The following MS4A15 variants were observed in gnomAD, a reference collection of about 807,000 sequenced individuals.
MS4A15 encodes the protein membrane spanning 4-domains A15.
Under a neutral mutation model 20.6 loss-of-function variants are expected in MS4A15, and 22 were observed. The ratio of observed to expected loss-of-function variants is 1.07; its 90% confidence interval spans 0.76 to 1.52. The LOEUF is 1.52. Ranked by LOEUF, MS4A15 falls within the 40% of genes most tolerant of loss-of-function variation. The probability of loss-of-function intolerance (pLI) is 0.00; values close to 1 mark genes in which losing one functional copy is unlikely to be tolerated. For missense variants in MS4A15, 312 were observed against 323.0 expected, an observed-to-expected ratio of 0.97 and a Z score of 0.26; for synonymous variants, 129 against 129.3, an observed-to-expected ratio of 1.00 and a Z score of 0.02.
intron 1 of MS4A15, 30 bp downstream of exon 1, chr11:60,757,088 G>T (rs921531000): frequency 6.6e-6 from 1 of 152,240 alleles, no homozygotes; most frequent in African/African-American, 2.4e-5. Flanking sequence ...CCCGTCAGGA[G>T]GATGGGACCC....
chr11:60,772,751 G>C (rs11230472), intron 4 of MS4A15, among the ~76,000 whole-genome samples: 1 of 152,048 alleles, frequency 6.6e-6, no homozygotes, highest in Admixed American at 6.5e-5. Flanking sequence ...GCACGGGGAT[G>C]GTGACCCCTG....
At chr11:60,764,845 G>C (rs1305686780) in intron 2 of MS4A15, among the ~76,000 whole-genome samples, 1 of 152,090 alleles carries the variant, frequency 6.6e-6, no homozygotes, top group Non-Finnish European at 1.5e-5. Context: ...GGAGGTGGAG[G>C]TTGCAGTGAG....
Position 60,775,768 on chromosome 11 carries a change from G to GGCTCTCCCCAGCCTTTTC in MS4A15, c.*53_*54insGCTCTCCCCAGCCTTTTC. 2 of 1,434,232 alleles carry GGCTCTCCCCAGCCTTTTC rather than the reference G, an allele frequency of 1.4e-6. No individual in the cohort carries two copies. The highest frequency in any genetic ancestry group is 4.6e-5 in the East Asian group (2 of 43,636). 88.8% of individuals were successfully genotyped at this position (1,434,232 alleles called of 1,614,324 possible). A position where few individuals can be genotyped will look rare whatever the true frequency, so the allele number is the denominator to read the frequency against. Reference sequence around the variant, plus strand: ...GTCCAGCCTTTTCCCTCTGGGCCCAGCCTCTCCCCACCCCCACCTTGTTCA... The same window carrying GGCTCTCCCCAGCCTTTTC: ...GTCCAGCCTTTTCCCTCTGGGCCCAGGCTCTCCCCAGCCTTTTCCCTCTCCCCACCCCCACCTTGTTCA... On this transcript the variant is annotated 3_prime_UTR_variant, in exon 7 of 7. Transcript: ENST00000405633.
chr11:60,775,441 T>C (rs1205998669), intron 6 of MS4A15, among the ~76,000 whole-genome samples, 164 bp from the exon 7 acceptor site: 1 of 152,144 alleles, frequency 6.6e-6, no homozygotes, highest in East Asian at 1.9e-4. Context: ...CCAGTAAATG[T>C]TGTTTGAAAT....
chr11:60,775,179 TGGTGGCA>T (rs1388853214), intron 6 of MS4A15, among the ~76,000 whole-genome samples: 5 of 151,920 alleles, frequency 3.3e-5, no homozygotes, highest in Non-Finnish European at 7.4e-5. Flanking sequence ...TACCTGGGCA[TGGTGGCA>T]GGCGCCTATA....
At chr11:60,771,381 T>A in intron 4 of MS4A15, 34 bp downstream of exon 4, 3 of 1,613,302 alleles carry the variant, frequency 1.9e-6, no homozygotes, top group African/African-American at 2.7e-5. Context: ...GGGGCGGGGA[T>A]GAAGCCACAG....
rs748655294 is a variant in MS4A15, at chr11:60,773,917, C to G, written c.579C>G (p.Phe193Leu). ...TCACAGCGGTCATTGCCATGCACTT[C>G]GGGTGCCAAGCCATCCATGCCCAGG... ...EFFTAVIAMH[F>L]GCQAIHAQAS... is the part of the protein sequence containing the mutation. The change falls in exon 6 of 7, where the codon TTC becomes TTG. Residue 193 changes from phenylalanine to leucine, a missense_variant. Phe to Leu is a conservative substitution (Grantham distance 22). Coordinates refer to ENST00000405633, the MANE Select transcript of MS4A15 (RefSeq NM_001098835.2). 6.2e-7 allele frequency: 1 copy of G among 1,614,010 alleles called. No homozygotes were observed. The highest frequency in any genetic ancestry group is 8.5e-7 in the Non-Finnish European group (1 of 1,180,024).
At chr11:60,759,902 C>G (rs1220022959) in intron 1 of MS4A15, among the ~76,000 whole-genome samples, 5 of 152,152 alleles carry the variant, frequency 3.3e-5, no homozygotes. Context: ...TGCCGCACCC[C>G]CCATGCCAAG....
chr11:60,764,915 A>C (rs1178573707), intron 2 of MS4A15, among the ~76,000 whole-genome samples: 2 of 152,212 alleles, frequency 1.3e-5, no homozygotes, highest in Non-Finnish European at 2.9e-5. Context: ...TTTAAAAAAA[A>C]AAAGAAAAAG....
chr11:60,767,475 C>T (rs1434100333), intron 2 of MS4A15, 58 bp from the exon 3 acceptor site: 14 of 1,415,332 alleles, frequency 9.9e-6, no homozygotes, highest in African/African-American at 3.0e-5. Context: ...CTCCGCGGGG[C>T]CGGCAGGGGG....
chr11:60,772,213 A>C (rs1854062858), intron 4 of MS4A15, among the ~76,000 whole-genome samples: 1 of 152,178 alleles, frequency 6.6e-6, no homozygotes, highest in African/African-American at 2.4e-5. Flanking sequence ...GTGCTGGACC[A>C]TCACAGGCAA....
At chr11:60,773,704 G>A in intron 5 of MS4A15, 133 bp from the exon 6 acceptor site, 1 of 833,290 alleles carries the variant, frequency 1.2e-6, no homozygotes, top group Non-Finnish European at 2.0e-6. Flanking sequence ...TGCAGGACTG[G>A]CGGCAGGGGG....
chr11:60,760,376 C>T (rs2134699528), intron 1 of MS4A15, among the ~76,000 whole-genome samples: 1 of 152,242 alleles, frequency 6.6e-6, no homozygotes, highest in Non-Finnish European at 1.5e-5. Flanking sequence ...CCCCTTTTTC[C>T]TTAGGACTTG....
At position 60,775,623 on chromosome 11, in the gene MS4A15, A is replaced by T; in HGVS notation, c.631A>T (p.Asn211Tyr). 2.5e-6 allele frequency: 4 copies of T among 1,613,872 alleles called. No homozygotes were observed. In the South Asian group the frequency reaches 4.4e-5, roughly 18 times the overall value. ...TTTGCAGCCTGTGATCTTCCTGCCAAACGCCTTCAGCGCAGACTTCAACAT... is the reference window on the plus strand; with the variant it reads ...TTTGCAGCCTGTGATCTTCCTGCCATACGCCTTCAGCGCAGACTTCAACAT... ...QASAPVIFLPNAFSADFNIPS... is the reference protein window; with the variant it reads ...QASAPVIFLPYAFSADFNIPS... Residue 211 changes from asparagine to tyrosine, a missense_variant, in exon 7 of 7, where the codon AAC becomes TAC. Physicochemically the swap from Asn to Tyr is moderately radical, Grantham distance 143. Coordinates refer to ENST00000405633, the MANE Select transcript of MS4A15 (RefSeq NM_001098835.2).
In MS4A15 at chr11:60,773,473, G is replaced by A; in HGVS notation, c.487G>A (p.Val163Ile). 1 of 1,613,928 alleles carries A rather than the reference G, an allele frequency of 6.2e-7. No homozygotes were observed. The highest frequency in any genetic ancestry group is 8.5e-7 in the Non-Finnish European group (1 of 1,179,934). ...GTAILLMDFGVTNRDVDRGYL... is the reference protein window; with the variant it reads ...GTAILLMDFGITNRDVDRGYL... ...AGCCATTCTGCTCATGGATTTTGGTGTTACCAACCGGGTGCGTTGTCAGAT... is the reference window on the plus strand; with the variant it reads ...AGCCATTCTGCTCATGGATTTTGGTATTACCAACCGGGTGCGTTGTCAGAT... Residue 163 changes from valine (V) to isoleucine (I), a missense_variant, in exon 5 of 7, where the codon GTT becomes ATT. Transcript: ENST00000405633.
chr11:60,766,539 T>C (rs1853888823), intron 2 of MS4A15, among the ~76,000 whole-genome samples: 1 of 152,210 alleles, frequency 6.6e-6, no homozygotes, highest in Non-Finnish European at 1.5e-5. Flanking sequence ...TGTGGTGGTC[T>C]ATCCACAGGG....
At chr11:60,775,577 A>C in intron 6 of MS4A15, 28 bp from the exon 7 acceptor site, 6 of 1,594,510 alleles carry the variant, frequency 3.8e-6, no homozygotes, top group East Asian at 4.5e-5. Context: ...AGCGTCCTCC[A>C]GGACGCTCAG....
chr11:60,763,754 C>A lies in MS4A15; in HGVS notation c.21C>A (p.Ser7Arg), dbSNP rs997466050. The A allele has an allele frequency of 2.5e-6, 4 of 1,612,168 alleles. No individual in the cohort carries two copies. The Admixed American group carries it at 6.7e-5, about 27-fold the overall frequency. The stretch of plus-strand genomic sequence containing the variant: ...GCACGATGTCTGCAGCTCCCGCCAG[C>A]AATGGAGTGTTTGTTGTCATCCCGC... MSAAPA[S>R]NGVFVVIPPN... is the part of the protein sequence containing the mutation. The change falls in exon 2 of 7, where the codon AGC becomes AGA. Residue 7 changes from serine (S) to arginine (R), a missense_variant. Ser to Arg is a moderately radical substitution (Grantham distance 110). Coordinates refer to ENST00000405633, the MANE Select transcript of MS4A15 (RefSeq NM_001098835.2).
rs569686092 is a variant in MS4A15 at position 60,771,515 on chromosome 11, G to A, written c.405+168G>A. 7 of 1,535,644 alleles carry A rather than the reference G, an allele frequency of 4.6e-6. No homozygotes were observed. The South Asian group carries it at 6.0e-5, about 13-fold the overall frequency. On this transcript the variant is annotated intron_variant, in intron 4 of 6. Coordinates refer to ENST00000405633, the MANE Select transcript of MS4A15 (RefSeq NM_001098835.2). ...CCCAGGCAGACCAGACGCAGACTGT[G>A]CATGTCCAGGAGAAGAAGACAGGGA...
Sources: allele counts gnomAD v4.1 joint callset (sites outside exome capture counted in the v4.1 genomes callset), GRCh38; gene constraint gnomAD v4.1.1; transcripts MANE v1.5; gene names NCBI Gene and HGNC (gene_info 2026-07-23, HGNC 2026-07-21).